IMMP2L: variants seen among roughly 807,000 people sequenced by gnomAD.
IMMP2L encodes mitochondrial inner membrane protease subunit 2.
IMMP2L carries 18 observed loss-of-function variants against 19.3 expected under a neutral mutation model. That is an observed-to-expected ratio of 0.93 (90% CI 0.64 to 1.38). The LOEUF (loss-of-function observed/expected upper bound fraction) is 1.38. Among genes scored for constraint, IMMP2L ranks in the 40% most tolerant of loss-of-function variants. The pLI is 0.00. For missense variants in IMMP2L, 233 were observed against 218.2 expected, an observed-to-expected ratio of 1.07 and a Z score of -0.43; for synonymous variants, 76 against 73.0, an observed-to-expected ratio of 1.04 and a Z score of -0.21.
chr7:111,557,239 C>T (rs189300787), intron 1 of IMMP2L, among the ~76,000 whole-genome samples: 4 of 152,228 alleles, frequency 2.6e-5, no homozygotes, highest in Middle Eastern at 3.4e-3. Flanking sequence ...CCACTCTACC[C>T]TCAATCTACC....
intron 5 of IMMP2L, among the ~76,000 whole-genome samples, chr7:110,819,898 T>C (rs1802872157): frequency 6.6e-6 from 1 of 152,104 alleles, no homozygotes; most frequent in Admixed American, 6.6e-5. Context: ...TATACCTTTT[T>C]TCTTAATTTC....
chr7:111,509,439 A>G (rs1845242332), intron 2 of IMMP2L, among the ~76,000 whole-genome samples: 1 of 152,096 alleles, frequency 6.6e-6, no homozygotes, highest in African/African-American at 2.4e-5. Flanking sequence ...AAAAGTTAAC[A>G]TGCTCCACTC....
chr7:110,767,178 T>G (rs1423026670), intron 5 of IMMP2L, among the ~76,000 whole-genome samples: 2 of 152,144 alleles, frequency 1.3e-5, no homozygotes, highest in Non-Finnish European at 2.9e-5. Flanking sequence ...TTGTTGTTGC[T>G]TATGAGTTGG....
At chr7:111,109,938 G>A (rs1282815139) in intron 3 of IMMP2L, among the ~76,000 whole-genome samples, 1 of 152,054 alleles carries the variant, frequency 6.6e-6, no homozygotes, top group Non-Finnish European at 1.5e-5. Flanking sequence ...GTTCAAGACC[G>A]GCCTGATCAA....
At chr7:111,254,487 A>G (rs1318733175) in intron 3 of IMMP2L, among the ~76,000 whole-genome samples, 1 of 152,174 alleles carries the variant, frequency 6.6e-6, no homozygotes, top group Admixed American at 6.6e-5. Context: ...CTGAAATAGG[A>G]TATTTCGCTA....
At chr7:111,472,337 G>C (rs74917239) in intron 3 of IMMP2L, among the ~76,000 whole-genome samples, 1 of 152,022 alleles carries the variant, frequency 6.6e-6, no homozygotes, top group Non-Finnish European at 1.5e-5. Flanking sequence ...ATTATTATCT[G>C]CCATTTGATA....
intron 3 of IMMP2L, among the ~76,000 whole-genome samples, chr7:111,319,366 T>A (rs948592884): frequency 1.3e-5 from 2 of 152,116 alleles, no homozygotes; most frequent in Non-Finnish European, 2.9e-5. Flanking sequence ...CTACATATTA[T>A]AGATTTCTCC....
At chr7:111,342,427 A>C (rs1347820188) in intron 3 of IMMP2L, among the ~76,000 whole-genome samples, 1 of 151,978 alleles carries the variant, frequency 6.6e-6, no homozygotes, top group East Asian at 1.9e-4. Context: ...CCCTGTCTCT[A>C]CTAAAAATAC....
intron 5 of IMMP2L, among the ~76,000 whole-genome samples, chr7:110,815,802 C>T (rs1224833103): frequency 1.4e-4 from 22 of 152,010 alleles, no homozygotes; most frequent in African/African-American, 2.9e-4. Context: ...TCTGTGGGAT[C>T]GGTGGTGATA....
At chr7:111,535,735 G>A (rs1232760142) in intron 1 of IMMP2L, among the ~76,000 whole-genome samples, 1 of 152,160 alleles carries the variant, frequency 6.6e-6, no homozygotes, top group Non-Finnish European at 1.5e-5. Context: ...AAGATACATT[G>A]TAGGACTCAG....
chr7:111,044,626 A>T (rs2129571554), intron 3 of IMMP2L, among the ~76,000 whole-genome samples: 1 of 152,322 alleles, frequency 6.6e-6, no homozygotes, highest in African/African-American at 2.4e-5. Flanking sequence ...TGAACAAATC[A>T]GATAAGCCAT....
intron 3 of IMMP2L, among the ~76,000 whole-genome samples, chr7:111,172,961 G>C (rs1806620249): frequency 6.6e-6 from 1 of 151,592 alleles, no homozygotes; most frequent in African/African-American, 2.4e-5. Flanking sequence ...ACTATTTTCT[G>C]TATGGCAAAG....
intron 5 of IMMP2L, among the ~76,000 whole-genome samples, chr7:110,801,799 G>A (rs10500002): frequency 0.15 from 23,008 of 151,990 alleles, 1,936 homozygotes; most frequent in South Asian, 0.29. Flanking sequence ...CAGAATTGTC[G>A]AGGTCTGGAA....
At chr7:110,873,862 T>A (rs1004453981) in intron 5 of IMMP2L, among the ~76,000 whole-genome samples, 1 of 151,954 alleles carries the variant, frequency 6.6e-6, no homozygotes. Flanking sequence ...GGTTACTAGA[T>A]TTCCTCCTTT....
chr7:111,523,574 A>C (rs572333088), intron 1 of IMMP2L, among the ~76,000 whole-genome samples: 1 of 152,260 alleles, frequency 6.6e-6, no homozygotes, highest in East Asian at 1.9e-4. Flanking sequence ...AAGTAAGACC[A>C]GTACTCTTGT....
At chr7:110,807,832 G>C (rs1161564330) in intron 5 of IMMP2L, among the ~76,000 whole-genome samples, 1 of 151,980 alleles carries the variant, frequency 6.6e-6, no homozygotes, top group Non-Finnish European at 1.5e-5. Flanking sequence ...CTAAACCACT[G>C]ACTCTTGGAC....
intron 3 of IMMP2L, among the ~76,000 whole-genome samples, chr7:111,260,205 T>A (rs1431714584): frequency 6.6e-6 from 1 of 152,146 alleles, no homozygotes; most frequent in Non-Finnish European, 1.5e-5. Context: ...GGGCTAGACT[T>A]TTATACAACT....
At chr7:111,242,911 A>G (rs1346378336) in intron 3 of IMMP2L, among the ~76,000 whole-genome samples, 3 of 152,072 alleles carry the variant, frequency 2.0e-5, no homozygotes, top group Non-Finnish European at 4.4e-5. Context: ...TTATTGTCCA[A>G]TTGTTCTCTA....
chr7:111,084,572 A>C (rs1244868813), intron 3 of IMMP2L, among the ~76,000 whole-genome samples: 1 of 152,180 alleles, frequency 6.6e-6, no homozygotes, highest in East Asian at 1.9e-4. Flanking sequence ...AGACAATATT[A>C]TCTAAGAGAG....
Sources: allele counts gnomAD v4.1 joint callset (sites outside exome capture counted in the v4.1 genomes callset), GRCh38; gene constraint gnomAD v4.1.1; transcripts MANE v1.5; gene names NCBI Gene and HGNC (gene_info 2026-07-23, HGNC 2026-07-21).